FRY: variants seen among roughly 807,000 people sequenced by gnomAD.
FRY encodes FRY microtubule binding protein, also known as protein furry homolog.
Under a neutral mutation model 348.4 loss-of-function variants are expected in FRY, and 128 were observed. The observed-to-expected ratio is 0.37, with a 90% CI of 0.32 to 0.43. The LOEUF is 0.43. Among genes scored for constraint, FRY ranks in the 20% least tolerant of loss-of-function variants. The pLI, the probability that FRY is intolerant of heterozygous loss-of-function variation, is 1.00. For synonymous variants in FRY, 1,370 were observed against 1,374.7 expected (o/e 1.00, Z 0.08); for missense variants, 2,736 against 3,695.2 (o/e 0.74, Z 6.73).
intron 28 of FRY, among the ~76,000 whole-genome samples, chr13:32,192,739 C>CT (rs71194513): frequency 0.044 from 4,326 of 99,240 alleles, 194 homozygotes; most frequent in East Asian, 0.1. Flanking sequence ...CAGAATGTTA[C>CT]TTTTTTTTTT....
chr13:32,134,473 C>T (rs1025116354), intron 8 of FRY, among the ~76,000 whole-genome samples: 9 of 152,322 alleles, frequency 5.9e-5, no homozygotes, highest in East Asian at 1.9e-4. Context: ...AAAATAAGTT[C>T]GATGTCTTCT....
In FRY at chr13:32,298,439, A is replaced by C. The variant is rs2072096894; in HGVS notation, c.*2979A>C. 1 of 152,208 alleles carries C rather than the reference A, an allele frequency of 6.6e-6. No homozygotes were observed. Among genetic ancestry groups the C allele is most frequent in the African/African-American group, 2.4e-5 (1 of 41,458 alleles). 9.4% of individuals were successfully genotyped at this position (152,208 alleles called of 1,614,324 possible). A position where few individuals can be genotyped will look rare whatever the true frequency, so the allele number is the denominator to read the frequency against. On this transcript the variant is annotated 3_prime_UTR_variant, in exon 61 of 61. Coordinates refer to ENST00000542859, the MANE Select transcript of FRY (RefSeq NM_023037.3). The stretch of plus-strand genomic sequence containing the variant: ...ATTTGGATACCTATCATGACCCAGG[A>C]TATTTCTTTGTTCAGCAAATATTTA...
intron 16 of FRY, among the ~76,000 whole-genome samples, chr13:32,158,442 G>C (rs1881243621): frequency 6.6e-6 from 1 of 152,130 alleles, no homozygotes; most frequent in Non-Finnish European, 1.5e-5. Flanking sequence ...TGTTGCTTTA[G>C]ACTTTTCAAC....
chr13:32,107,303 G>A (rs1052957970), intron 3 of FRY, among the ~76,000 whole-genome samples: 6 of 152,200 alleles, frequency 3.9e-5, no homozygotes, highest in Admixed American at 1.3e-4. Context: ...GTTGCAGTGA[G>A]CTGAGATTGC....
In FRY at chr13:32,117,580, A is replaced by G. The variant is rs1280524996; in HGVS notation, c.464+107A>G. On this transcript the variant is annotated intron_variant, in intron 4 of 60. Coordinates refer to ENST00000542859, the MANE Select transcript of FRY (RefSeq NM_023037.3). Reference sequence around the variant, plus strand: ...AATTGGGTCTTCCTGACTCTTCACAAGGATGCCTAGCAGGTGCTGCAGGGG... The same window carrying G: ...AATTGGGTCTTCCTGACTCTTCACAGGGATGCCTAGCAGGTGCTGCAGGGG... 5 of 1,159,314 alleles carry G rather than the reference A, an allele frequency of 4.3e-6. No homozygotes were observed. The Admixed American group carries it at 8.8e-5, about 21-fold the overall frequency. The allele number at this position is 1,159,314 out of a possible 1,614,324, so 71.8% of individuals were successfully genotyped here. A position where few individuals can be genotyped will look rare whatever the true frequency, so the allele number is the denominator to read the frequency against.
intron 50 of FRY, 121 bp from the exon 51 acceptor site, chr13:32,254,102 AC>A: frequency 1.1e-6 from 1 of 888,832 alleles, no homozygotes; most frequent in Admixed American, 1.8e-5. Flanking sequence ...TTCTAAAAAT[AC>A]CCACTGAAGG....
rs750963399 is a variant in FRY at position 32,237,654 on chromosome 13, C to T, written c.6086C>T (p.Thr2029Met). The change falls in exon 44 of 61, where the codon ACG becomes ATG. Residue 2029 changes from threonine to methionine, a missense_variant. This residue lies in a region of FRY where 789 missense variants were observed against 996.2 expected (regional missense o/e 0.79). Coordinates refer to ENST00000542859, the MANE Select transcript of FRY (RefSeq NM_023037.3). The surrounding 1 kb of genome is among the most constrained non-coding windows in gnomAD (Gnocchi z 6.3). ...TCATCCTCCTTGAAGGACAGTCTCA[C>T]GGACCCATCCCACATAAACCATCCC... ...RSSSSLKDSL[T>M]DPSHINHPTN... The T allele has an allele frequency of 2.5e-5, 41 of 1,613,990 alleles. No individual in the cohort carries two copies. In the Admixed American group the frequency reaches 3.8e-4, roughly 15 times the overall value.
chr13:32,086,786 A>T (rs572279494), intron 2 of FRY, among the ~76,000 whole-genome samples: 150 of 152,266 alleles, frequency 9.9e-4, no homozygotes, highest in Middle Eastern at 3.4e-3. Flanking sequence ...TTCAGCAGAG[A>T]CTAAGAATGA....
At chr13:32,263,077 G>A (rs548201077) in intron 53 of FRY, among the ~76,000 whole-genome samples, 79 of 152,158 alleles carry the variant, frequency 5.2e-4, no homozygotes, top group Non-Finnish European at 8.8e-4. Context: ...TTCATTTAAA[G>A]TTTATTTTAT....
intron 43 of FRY, 126 bp downstream of exon 43, chr13:32,236,298 AG>A (rs1886223919): frequency 1.4e-6 from 1 of 710,442 alleles, no homozygotes; most frequent in South Asian, 1.6e-5. Flanking sequence ...GACCTGAAAA[AG>A]TATGTGTAAT....
At chr13:32,077,594 A>G (rs1404772921) in intron 1 of FRY, among the ~76,000 whole-genome samples, 1 of 152,238 alleles carries the variant, frequency 6.6e-6, no homozygotes, top group Non-Finnish European at 1.5e-5. Flanking sequence ...CGTCTGTGTA[A>G]CAATGGGGAC....
intron 17 of FRY, among the ~76,000 whole-genome samples, chr13:32,167,345 G>A (rs1881797893): frequency 6.6e-6 from 1 of 152,202 alleles, no homozygotes; most frequent in African/African-American, 2.4e-5. Flanking sequence ...GACTATGAGA[G>A]AGAATCTGCT....
At chr13:32,077,359 A>T (rs1036654600) in intron 1 of FRY, among the ~76,000 whole-genome samples, 1 of 152,240 alleles carries the variant, frequency 6.6e-6, no homozygotes, top group African/African-American at 2.4e-5. Flanking sequence ...AAAATAATCT[A>T]GCCATAGGTC....
At chr13:32,272,259 G>A (rs1235534858) in intron 55 of FRY, among the ~76,000 whole-genome samples, 4 of 152,144 alleles carry the variant, frequency 2.6e-5, no homozygotes, top group Non-Finnish European at 2.9e-5. Context: ...TGAATACAAT[G>A]TTTCCGTGTT....
chr13:32,227,643 A>G (rs1287484979), intron 39 of FRY, among the ~76,000 whole-genome samples: 1 of 152,214 alleles, frequency 6.6e-6, no homozygotes, highest in Non-Finnish European at 1.5e-5. Flanking sequence ...AAATATATCA[A>G]TATACACATA....
rs199694002 is a variant in FRY, at chr13:32,202,335, T to G, written c.3847-21T>G. On this transcript the variant is annotated intron_variant, in intron 30 of 60. Coordinates refer to ENST00000542859, the MANE Select transcript of FRY (RefSeq NM_023037.3). Reference sequence around the variant, plus strand: ...GCTAATGCTTTTCATACTACTTTTTTACTTTCCTACATCTTTATAGATCCT... The same window carrying G: ...GCTAATGCTTTTCATACTACTTTTTGACTTTCCTACATCTTTATAGATCCT... 1,415 of 1,600,830 alleles carry G rather than the reference T, an allele frequency of 8.8e-4. 9 individuals are homozygous for G. The Middle Eastern group carries it at 0.012, about 13-fold the overall frequency.
intron 14 of FRY, among the ~76,000 whole-genome samples, chr13:32,154,247 C>T (rs1340908523): frequency 6.6e-5 from 10 of 152,188 alleles, no homozygotes; most frequent in Middle Eastern, 3.4e-3. Flanking sequence ...CTTCGATACA[C>T]GGATTATTTT....
At chr13:32,095,496 GC>G (rs1279456085) in intron 2 of FRY, among the ~76,000 whole-genome samples, 1 of 151,834 alleles carries the variant, frequency 6.6e-6, no homozygotes, top group Non-Finnish European at 1.5e-5. Flanking sequence ...ACAGGCGTGC[GC>G]CCCCAGCCCA....
chr13:32,291,814 A>G (rs1006980649), intron 59 of FRY, among the ~76,000 whole-genome samples: 7 of 152,198 alleles, frequency 4.6e-5, no homozygotes, highest in Middle Eastern at 3.2e-3. Flanking sequence ...TGAGAGGCTC[A>G]AGACTTAAGT....
Sources: allele counts gnomAD v4.1 joint callset (sites outside exome capture counted in the v4.1 genomes callset), GRCh38; gene constraint gnomAD v4.1.1; regional missense constraint gnomAD v4.1.1; non-coding constraint Gnocchi (gnomAD v3.1); transcripts MANE v1.5; gene names NCBI Gene and HGNC (gene_info 2026-07-23, HGNC 2026-07-21).